The following FOLH1 variants were observed in gnomAD, a reference collection of about 807,000 sequenced individuals.
FOLH1 encodes the protein glutamate carboxypeptidase 2.
FOLH1 carries 54 observed loss-of-function variants against 93.9 expected under a neutral mutation model. That is an observed-to-expected ratio of 0.57 (90% confidence interval 0.46 to 0.72). The LOEUF is 0.72. Among genes scored for constraint, FOLH1 ranks in the 30% least tolerant of loss-of-function variants. The probability of loss-of-function intolerance (pLI) is 0.00; values close to 1 mark genes in which losing one functional copy is unlikely to be tolerated. For missense variants in FOLH1, 571 were observed against 892.5 expected, an observed-to-expected ratio of 0.64 and a Z score of 4.59; for synonymous variants, 249 against 303.6, an observed-to-expected ratio of 0.82 and a Z score of 1.87.
chr11:49,167,477 G>A (rs945445493), intron 12 of FOLH1, among the ~76,000 whole-genome samples: 1 of 152,150 alleles, frequency 6.6e-6, no homozygotes, highest in Non-Finnish European at 1.5e-5. Flanking sequence ...AATGCACTGT[G>A]TAAACTAACT....
chr11:49,188,512 C>CAAAAA (rs149444698), intron 4 of FOLH1, among the ~76,000 whole-genome samples: 9 of 130,942 alleles, frequency 6.9e-5, no homozygotes, highest in Admixed American at 1.6e-4. Context: ...GACTTGGTCT[C>CAAAAA]AAAAAAAAAA....
In FOLH1 at chr11:49,200,369, C is replaced by T. The variant is rs1863139337; in HGVS notation, c.297G>A (p.Gln99=). The T allele has an allele frequency of 1.2e-6, 2 of 1,613,482 alleles. No homozygotes were observed. Among genetic ancestry groups the T allele is most frequent in the South Asian group, 1.1e-5 (1 of 91,062 alleles). Residue 99 remains glutamine, a synonymous_variant, in exon 3 of 19, where the codon CAG becomes CAA. Transcript: ENST00000256999. ...NFQLAKQIQS[Q]WKEFGLDSVE... is the part of the protein sequence containing the mutation. ...CAGAATCCAGGCCAAATTCTTTCCA[C>T]TGGGATTGAATTTGCTTTGCAAGCT...
intron 12 of FOLH1, among the ~76,000 whole-genome samples, chr11:49,166,274 TAG>T (rs1362880507): frequency 2.6e-5 from 4 of 152,166 alleles, no homozygotes; most frequent in Admixed American, 2.0e-4. Flanking sequence ...TGAGAGACAA[TAG>T]AGTGTAGTGG....
intron 5 of FOLH1, among the ~76,000 whole-genome samples, chr11:49,186,357 A>C (rs1861378133): frequency 6.6e-6 from 1 of 152,210 alleles, no homozygotes. Context: ...ACTGAAAGTT[A>C]ATAATAAACC....
intron 12 of FOLH1, among the ~76,000 whole-genome samples, chr11:49,167,414 C>G (rs1033571642): frequency 9.2e-5 from 14 of 152,100 alleles, no homozygotes; most frequent in African/African-American, 3.4e-4. Flanking sequence ...GCATCTGACG[C>G]CAAAGGTCAA....
Position 49,154,505 on chromosome 11 carries a change from C to T in FOLH1, c.1624-13G>A, listed in dbSNP as rs2988340. ...ATTTGTTTGTTTCCTACAGAAAAAA[C>T]AACAAAACATATCTCTTATAGGATA... On this transcript the variant is annotated splice_polypyrimidine_tract_variant and intron_variant, in intron 15 of 18. Transcript: ENST00000256999. The T allele has an allele frequency of 0.62, 736,502 of 1,192,144 alleles. 286,979 individuals carry two copies. The highest frequency in any genetic ancestry group is 0.7 in the Middle Eastern group (3,278 of 4,652). 73.8% of individuals were successfully genotyped at this position (1,192,144 alleles called of 1,614,324 possible).
intron 16 of FOLH1, 23 bp from the exon 17 acceptor site, chr11:49,153,950 C>T (rs757078050): frequency 1.6e-4 from 254 of 1,572,042 alleles, no homozygotes; most frequent in Non-Finnish European, 1.9e-4. Flanking sequence ...TTGGGATCAT[C>T]AAATGCTTAA....
At chr11:49,206,678 G>T (rs1018793635) in intron 1 of FOLH1, 9 of 1,133,058 alleles carry the variant, frequency 7.9e-6, no homozygotes, top group Non-Finnish European at 1.0e-5. Context: ...AATTTGCTCT[G>T]ATTCTGAAAC....
intron 12 of FOLH1, among the ~76,000 whole-genome samples, chr11:49,166,261 T>C (rs1350064559): frequency 6.6e-6 from 1 of 152,152 alleles, no homozygotes; most frequent in Non-Finnish European, 1.5e-5. Context: ...CTGTATAAGG[T>C]GGTGAGAGAC....
intron 11 of FOLH1, among the ~76,000 whole-genome samples, chr11:49,169,468 A>G (rs1858933412): frequency 6.6e-6 from 1 of 152,184 alleles, no homozygotes; most frequent in Non-Finnish European, 1.5e-5. Flanking sequence ...AACTTGTTAA[A>G]AGCTAATATT....
At chr11:49,205,326 C>T (rs1487010179) in intron 2 of FOLH1, among the ~76,000 whole-genome samples, 2 of 152,078 alleles carry the variant, frequency 1.3e-5, no homozygotes, top group Non-Finnish European at 2.9e-5. Flanking sequence ...TTATCTCTTT[C>T]GTCCTACACT....
In FOLH1 at chr11:49,186,748, A is replaced by C; in HGVS notation, c.535T>G (p.Tyr179Asp). ...MPEGDLVYVN[Y>D]ARTEDFFKLE... ...TTAAAGAAGTCTTCAGTTCGTGCAT[A>C]GTTAACATACACTAGATCGCCCTGT... Residue 179 changes from tyrosine (Y) to aspartate (D), a missense_variant, in exon 5 of 19, where the codon TAT becomes GAT. By Grantham distance (160) the Tyr-to-Asp change is radical. Transcript: ENST00000256999. 1 of 1,612,620 alleles carries C rather than the reference A, an allele frequency of 6.2e-7. No homozygotes were observed. Among genetic ancestry groups the C allele is most frequent in the Non-Finnish European group, 8.5e-7 (1 of 1,179,394 alleles).
At chr11:49,198,351 G>T (rs989210291) in intron 3 of FOLH1, among the ~76,000 whole-genome samples, 2 of 152,026 alleles carry the variant, frequency 1.3e-5, no homozygotes, top group Non-Finnish European at 1.5e-5. Flanking sequence ...GCGTCGTGGC[G>T]GGAGCCTGTA....
intron 7 of FOLH1, 85 bp from the exon 8 acceptor site, chr11:49,176,042 A>T (rs921897315): frequency 8.4e-7 from 1 of 1,187,868 alleles, no homozygotes. Context: ...TTTATTGAGC[A>T]TCTGCTCATA....
At chr11:49,194,132 C>CAAAAAAAAA (rs55656827) in intron 3 of FOLH1, among the ~76,000 whole-genome samples, 4 of 71,550 alleles carry the variant, frequency 5.6e-5, no homozygotes, top group Non-Finnish European at 7.9e-5. Flanking sequence ...GCCTGGGTGA[C>CAAAAAAAAA]AAAAAAAAAA....
Position 49,169,206 on chromosome 11 carries a change from G to A in FOLH1, c.1361C>T (p.Ser454Leu). 4 of 1,613,056 alleles carry A rather than the reference G, an allele frequency of 2.5e-6. No individual in the cohort carries two copies. Among genetic ancestry groups the A allele is most frequent in the Non-Finnish European group, 3.4e-6 (4 of 1,179,266 alleles). ...CCAACGATATTCACCTTCTATAGAT[G>A]AGTCAGCATTAATATAAGCCACGCC... ...ERGVAYINAD[S>L]SIEGNYTLRV... The change falls in exon 12 of 19, where the codon TCA (serine) becomes TTA (leucine). Residue 454 changes from serine to leucine, a missense_variant. Ser to Leu is a moderately radical substitution (Grantham distance 145). This residue lies in a region of FOLH1 where 500 missense variants were observed against 822.9 expected (regional missense o/e 0.61). Coordinates refer to ENST00000256999, the MANE Select transcript of FOLH1 (RefSeq NM_004476.3).
chr11:49,184,346 A>G (rs2135187870), intron 6 of FOLH1, among the ~76,000 whole-genome samples: 1 of 152,318 alleles, frequency 6.6e-6, no homozygotes, highest in Non-Finnish European at 1.5e-5. Flanking sequence ...CACAAAATAT[A>G]ATTCAATAAA....
chr11:49,159,949 G>A (rs1857504311), intron 13 of FOLH1, among the ~76,000 whole-genome samples: 1 of 147,506 alleles, frequency 6.8e-6, no homozygotes, highest in Admixed American at 6.9e-5. Context: ...TTTTGATGAA[G>A]TCTTGCACTG....
chr11:49,164,812 C>A lies in FOLH1; in HGVS notation c.1373-40G>T, dbSNP rs762627679. Reference sequence around the variant, plus strand: ...AAGAATAGATTTTAAAATTTAATTTCTTTCTGTTATTATTTTCTTCAAAGA... The same window carrying A: ...AAGAATAGATTTTAAAATTTAATTTATTTCTGTTATTATTTTCTTCAAAGA... On this transcript the variant is annotated intron_variant, in intron 12 of 18. Coordinates refer to ENST00000256999, the MANE Select transcript of FOLH1 (RefSeq NM_004476.3). The A allele has an allele frequency of 4.1e-6, 6 of 1,451,060 alleles. No homozygotes were observed. The African/African-American group carries it at 5.7e-5, about 14-fold the overall frequency. 89.9% of individuals were successfully genotyped at this position (1,451,060 alleles called of 1,614,324 possible).
Sources: gnomAD v4.1 joint callset for allele counts (sites outside exome capture counted in the v4.1 genomes callset) on GRCh38, gnomAD v4.1.1 for gene constraint, gnomAD v4.1.1 regional missense constraint, MANE v1.5 for transcripts, NCBI Gene and HGNC (gene_info 2026-07-23, HGNC 2026-07-21) for gene names.